GPC5: variants seen among roughly 807,000 people sequenced by gnomAD.
The protein encoded by GPC5 is glypican-5.
GPC5 carries 47 observed loss-of-function variants against 53.9 expected under a neutral mutation model. The observed-to-expected ratio is 0.87, with a 90% CI of 0.69 to 1.11. The LOEUF (loss-of-function observed/expected upper bound fraction) is 1.11. Among genes scored for constraint, GPC5 ranks in the 50% most tolerant of loss-of-function variants. The pLI is 0.00. For synonymous variants in GPC5, 286 were observed against 263.3 expected, an observed-to-expected ratio of 1.09 and a Z score of -0.84; for missense variants, 748 against 713.1, an observed-to-expected ratio of 1.05 and a Z score of -0.56.
chr13:91,977,844 G>A (rs1030098363), intron 6 of GPC5, among the ~76,000 whole-genome samples: 1 of 151,968 alleles, frequency 6.6e-6, no homozygotes, highest in Non-Finnish European at 1.5e-5. Context: ...AGGTGCAATG[G>A]ATCATGCCTG....
intron 7 of GPC5, among the ~76,000 whole-genome samples, chr13:92,664,508 A>G (rs1410985943): frequency 6.6e-6 from 1 of 152,186 alleles, no homozygotes; most frequent in Non-Finnish European, 1.5e-5. Flanking sequence ...TAGGGTAAAA[A>G]TGAAATCATA....
intron 7 of GPC5, among the ~76,000 whole-genome samples, chr13:92,611,134 T>C (rs1884422093): frequency 6.6e-6 from 1 of 152,160 alleles, no homozygotes; most frequent in Admixed American, 6.6e-5. Flanking sequence ...AAATCACATT[T>C]GGCTTCTGAA....
intron 6 of GPC5, among the ~76,000 whole-genome samples, chr13:91,923,707 A>G (rs887095397): frequency 6.6e-5 from 10 of 152,276 alleles, no homozygotes; most frequent in Admixed American, 2.6e-4. Flanking sequence ...CCTATCTACT[A>G]TCATGTCAAT....
chr13:92,454,638 T>C (rs1878191723), intron 7 of GPC5, among the ~76,000 whole-genome samples: 1 of 152,208 alleles, frequency 6.6e-6, no homozygotes, highest in Non-Finnish European at 1.5e-5. Flanking sequence ...CAAGGAGCTT[T>C]CACTCTAGTG....
intron 7 of GPC5, among the ~76,000 whole-genome samples, chr13:92,798,805 A>C (rs900698850): frequency 6.6e-6 from 1 of 151,852 alleles, no homozygotes; most frequent in African/African-American, 2.4e-5. Flanking sequence ...AATACCAAAC[A>C]CTCAAAATTG....
intron 7 of GPC5, among the ~76,000 whole-genome samples, chr13:92,337,905 G>A (rs1179668063): frequency 6.6e-6 from 1 of 152,144 alleles, no homozygotes; most frequent in East Asian, 1.9e-4. Context: ...TATGGAAAAG[G>A]CTTTTTAGAT....
intron 7 of GPC5, among the ~76,000 whole-genome samples, chr13:92,347,293 C>G (rs975039922): frequency 5.9e-5 from 9 of 152,058 alleles, no homozygotes; most frequent in African/African-American, 2.2e-4. Flanking sequence ...GGAGCAGCAA[C>G]AAATAAGAAA....
chr13:91,598,568 C>T (rs894129899), intron 2 of GPC5, among the ~76,000 whole-genome samples: 2 of 151,952 alleles, frequency 1.3e-5, no homozygotes, highest in African/African-American at 4.8e-5. Context: ...TCTTGTATCC[C>T]TTGGTTCATT....
At chr13:91,695,158 T>G (rs2035853003) in intron 3 of GPC5, among the ~76,000 whole-genome samples, 1 of 152,124 alleles carries the variant, frequency 6.6e-6, no homozygotes, top group Non-Finnish European at 1.5e-5. Context: ...CAGCTGGGTA[T>G]CCCTATACAA....
intron 7 of GPC5, among the ~76,000 whole-genome samples, chr13:92,282,186 A>C (rs549650427): frequency 5.0e-4 from 76 of 152,324 alleles, no homozygotes; most frequent in Middle Eastern, 3.4e-3. Context: ...GTGAGAAGAG[A>C]AGTTTAGAGA....
intron 5 of GPC5, among the ~76,000 whole-genome samples, chr13:91,875,391 T>C (rs1296867846): frequency 6.6e-6 from 1 of 152,200 alleles, no homozygotes; most frequent in Non-Finnish European, 1.5e-5. Context: ...TGAGGTACGC[T>C]TAAGATGATA....
intron 7 of GPC5, among the ~76,000 whole-genome samples, chr13:92,340,944 A>G (rs2043361171): frequency 1.3e-5 from 2 of 152,148 alleles, no homozygotes; most frequent in South Asian, 4.1e-4. Flanking sequence ...TTCTCTCATA[A>G]ACCACTAAAG....
At chr13:92,149,494 T>A (rs2041892067) in intron 7 of GPC5, among the ~76,000 whole-genome samples, 1 of 152,038 alleles carries the variant, frequency 6.6e-6, no homozygotes, top group South Asian at 2.1e-4. Flanking sequence ...ATAGAACTAT[T>A]GTTTGTGTTG....
At chr13:92,338,514 G>A (rs190045861) in intron 7 of GPC5, among the ~76,000 whole-genome samples, 1 of 152,200 alleles carries the variant, frequency 6.6e-6, no homozygotes, top group Admixed American at 6.6e-5. Flanking sequence ...TTGCTCTTCA[G>A]TAGGTAAACA....
At chr13:92,416,503 A>G (rs1323036204) in intron 7 of GPC5, among the ~76,000 whole-genome samples, 1 of 152,232 alleles carries the variant, frequency 6.6e-6, no homozygotes, top group African/African-American at 2.4e-5. Flanking sequence ...TGGTGCTGGG[A>G]CAACTGAATA....
chr13:92,561,548 A>G (rs866903610), intron 7 of GPC5, among the ~76,000 whole-genome samples: 51 of 152,148 alleles, frequency 3.4e-4, no homozygotes, highest in Middle Eastern at 6.8e-3. Context: ...GCATGTAGTA[A>G]GCACTATACA....
intron 7 of GPC5, among the ~76,000 whole-genome samples, chr13:92,724,875 T>TACACACACACACACACAC (rs58824655): frequency 1.1e-3 from 147 of 137,734 alleles, no homozygotes; most frequent in Admixed American, 2.3e-3. Context: ...GTCCTACACA[T>TACACACACACACACACAC]ACACACACAC....
At chr13:92,094,285 G>A (rs2041403595) in intron 6 of GPC5, among the ~76,000 whole-genome samples, 1 of 152,032 alleles carries the variant, frequency 6.6e-6, no homozygotes, top group Non-Finnish European at 1.5e-5. Flanking sequence ...GTGAGGCCGA[G>A]GTGGGTGGAT....
intron 7 of GPC5, among the ~76,000 whole-genome samples, chr13:92,633,763 A>G (rs1258334395): frequency 1.3e-5 from 2 of 152,150 alleles, no homozygotes; most frequent in Admixed American, 6.5e-5. Flanking sequence ...ACTTTAAAAA[A>G]TTACTAATGG....
Sources: allele counts gnomAD v4.1 joint callset (sites outside exome capture counted in the v4.1 genomes callset), GRCh38; gene constraint gnomAD v4.1.1; transcripts MANE v1.5; gene names NCBI Gene and HGNC (gene_info 2026-07-23, HGNC 2026-07-21).